SLC5A3: variants seen among roughly 807,000 people sequenced by gnomAD.
SLC5A3 encodes sodium/myo-inositol cotransporter.
SLC5A3 carries 10 observed loss-of-function variants against 43.2 expected under a neutral mutation model. The observed-to-expected ratio is 0.23, with a 90% CI of 0.14 to 0.39. The LOEUF (loss-of-function observed/expected upper bound fraction) is 0.39, where lower values mean the gene tolerates loss of function less well. Ranked by LOEUF, SLC5A3 falls within the 10% of genes least tolerant of loss-of-function variation. The pLI, the probability that SLC5A3 is intolerant of heterozygous loss-of-function variation, is 1.00. For missense variants in SLC5A3, 608 were observed against 893.4 expected (o/e 0.68, Z 4.07); for synonymous variants, 349 against 322.0 (o/e 1.08, Z -0.90).
chr21:34,074,769 C>T lies in SLC5A3; in HGVS notation c.-337+1024C>T, dbSNP rs564842175. Among the ~76,000 whole-genome samples, 3 of 152,334 alleles carry T rather than the reference C, an allele frequency of 2.0e-5. No homozygotes were observed. In the South Asian group the frequency reaches 6.2e-4, roughly 32 times the overall value. On this transcript the variant is annotated intron_variant, in intron 1 of 1. Coordinates refer to ENST00000381151, the MANE Select transcript of SLC5A3 (RefSeq NM_006933.7). ...TCCTACAGCGCTAGAGGAGTGGACGCATTTTTACGTTTGAAATTAGGCTCC... is the reference window on the plus strand; with the variant it reads ...TCCTACAGCGCTAGAGGAGTGGACGTATTTTTACGTTTGAAATTAGGCTCC...
rs1320954098 is a variant in SLC5A3 at position 34,096,761 on chromosome 21, C to T, written c.1563C>T (p.Val521=). 25 of 1,614,032 alleles carry T rather than the reference C, an allele frequency of 1.5e-5. No homozygotes were observed. Among genetic ancestry groups the T allele is most frequent in the Non-Finnish European group, 2.0e-5 (24 of 1,179,990 alleles). Residue 521 remains valine, a synonymous_variant, in exon 2 of 2, where the codon GTC becomes GTT. Coordinates refer to ENST00000381151, the MANE Select transcript of SLC5A3 (RefSeq NM_006933.7). This position sits in a 1 kb window ranked among gnomAD's most constrained non-coding sequence, Gnocchi z 5.9. ...YMYVATGLFW[V]TGLITVIVSL... ...ATGTGGCCACAGGATTGTTTTGGGTCACGGGACTCATTACTGTAATTGTGA... is the reference window on the plus strand; with the variant it reads ...ATGTGGCCACAGGATTGTTTTGGGTTACGGGACTCATTACTGTAATTGTGA...
rs1417092443 is a variant in SLC5A3, at chr21:34,099,035, A to G, written c.*1680A>G. On this transcript the variant is annotated 3_prime_UTR_variant, in exon 2 of 2. Transcript: ENST00000381151. ...TAGTCTATAAACTAGTTTCATTATG[A>G]TGGACTTGATTAGTCCAAAGTTAAT... 1.0e-6 allele frequency: 1 copy of G among 989,716 alleles called. No homozygotes were observed. Among genetic ancestry groups the G allele is most frequent in the Non-Finnish European group, 1.2e-6 (1 of 820,478 alleles). The allele number at this position is 989,716 out of a possible 1,614,324, so 61.3% of individuals were successfully genotyped here. A position where few individuals can be genotyped will look rare whatever the true frequency, so the allele number is the denominator to read the frequency against.
chr21:34,096,342 A>G lies in SLC5A3; in HGVS notation c.1144A>G (p.Ile382Val), dbSNP rs1322945890. The change falls in exon 2 of 2, where the codon ATC becomes GTC. Residue 382 changes from isoleucine (I) to valine (V), a missense_variant. By Grantham distance (29) the Ile-to-Val change is conservative. Transcript: ENST00000381151. The surrounding 1 kb of genome is among the most constrained non-coding windows in gnomAD (Gnocchi z 5.9). The part of the protein sequence containing the change: ...IAALMSDLDS[I>V]FNSASTIFTL... ...AGCTCTGATGAGTGACTTAGACTCT[A>G]TCTTTAACAGTGCCAGTACCATATT... The G allele has an allele frequency of 4.3e-6, 7 of 1,614,010 alleles. No individual in the cohort carries two copies. Among genetic ancestry groups the G allele is most frequent in the Admixed American group, 1.7e-5 (1 of 59,984 alleles).
At chr21:34,092,276 C>A (rs1050508104) in intron 1 of SLC5A3, among the ~76,000 whole-genome samples, 3 of 152,054 alleles carry the variant, frequency 2.0e-5, no homozygotes. Flanking sequence ...TTCTACAAAC[C>A]AAATTGACCT....
At chr21:34,078,609 C>CA (rs1307497565) in intron 1 of SLC5A3, among the ~76,000 whole-genome samples, 2 of 151,918 alleles carry the variant, frequency 1.3e-5, no homozygotes, top group Admixed American at 6.5e-5. Context: ...AAATCAGTTT[C>CA]AAAAAATTAA....
rs1034871000 is a variant in SLC5A3 at position 34,104,180 on chromosome 21, G to A, written c.*6825G>A. ...TTTAATAAAGGATAATTTGATCTGA[G>A]TGTTCTGAGCATCAGACTAATTCTG... On this transcript the variant is annotated 3_prime_UTR_variant, in exon 2 of 2. Coordinates refer to ENST00000381151, the MANE Select transcript of SLC5A3 (RefSeq NM_006933.7). 9 of 999,896 alleles carry A rather than the reference G, an allele frequency of 9.0e-6. No homozygotes were observed. Among genetic ancestry groups the A allele is most frequent in the African/African-American group, 3.5e-5 (2 of 57,184 alleles). 61.9% of individuals were successfully genotyped at this position (999,896 alleles called of 1,614,324 possible).
In SLC5A3 at chr21:34,097,521, G is replaced by A; in HGVS notation, c.*166G>A. The A allele has an allele frequency of 7.2e-6, 10 of 1,380,956 alleles. No individual in the cohort carries two copies. Among genetic ancestry groups the A allele is most frequent in the South Asian group, 3.8e-5 (2 of 52,136 alleles). 85.5% of individuals were successfully genotyped at this position (1,380,956 alleles called of 1,614,324 possible). A position where few individuals can be genotyped will look rare whatever the true frequency, so the allele number is the denominator to read the frequency against. On this transcript the variant is annotated 3_prime_UTR_variant, in exon 2 of 2. Transcript: ENST00000381151. ...TACAAGACTTTATTTTCCCAGAGAT[G>A]GATTAAAGTAAATCTTCAACTTAAG...
In SLC5A3 at chr21:34,095,304, G is replaced by A. The variant is rs143443984; in HGVS notation, c.106G>A (p.Val36Met). ...CATGTGGAAATCTAATAGAAGCACC[G>A]TGAGTGGATACTTCCTGGCGGGGCG... is the stretch of plus-strand genomic sequence containing the variant. Reference protein sequence around the residue: ...FAMWKSNRSTVSGYFLAGRSM... With the variant: ...FAMWKSNRSTMSGYFLAGRSM... Residue 36 changes from valine to methionine, a missense_variant, in exon 2 of 2, where the codon GTG becomes ATG. This residue lies in a region of SLC5A3 where 398 missense variants were observed against 668.6 expected (regional missense o/e 0.60). Transcript: ENST00000381151. 18 of 1,614,140 alleles carry A rather than the reference G, an allele frequency of 1.1e-5. No homozygotes were observed. Among genetic ancestry groups the A allele is most frequent in the Non-Finnish European group, 1.4e-5 (17 of 1,179,990 alleles).
At chr21:34,094,540 C>G (rs1346331770) in intron 1 of SLC5A3, among the ~76,000 whole-genome samples, 1 of 152,024 alleles carries the variant, frequency 6.6e-6, no homozygotes, top group African/African-American at 2.4e-5. Flanking sequence ...ATCTTAGTGC[C>G]TGTCCTAATC....
In SLC5A3 at chr21:34,102,819, T is replaced by G; in HGVS notation, c.*5464T>G. 2.0e-6 allele frequency: 2 copies of G among 1,000,192 alleles called. No individual in the cohort carries two copies. The highest frequency in any genetic ancestry group is 9.4e-5 in the South Asian group (2 of 21,286). 62.0% of individuals were successfully genotyped at this position (1,000,192 alleles called of 1,614,324 possible). A position where few individuals can be genotyped will look rare whatever the true frequency, so the allele number is the denominator to read the frequency against. Reference sequence around the variant, plus strand: ...ATTGTTGTCCATGATACTGAAGCTTTTCCCCTCACTTCTAGGTTGTTTACA... The same window carrying G: ...ATTGTTGTCCATGATACTGAAGCTTGTCCCCTCACTTCTAGGTTGTTTACA... On this transcript the variant is annotated 3_prime_UTR_variant, in exon 2 of 2. Coordinates refer to ENST00000381151, the MANE Select transcript of SLC5A3 (RefSeq NM_006933.7).
chr21:34,074,682 T>C (rs1274249849), intron 1 of SLC5A3, among the ~76,000 whole-genome samples: 1 of 152,200 alleles, frequency 6.6e-6, no homozygotes, highest in African/African-American at 2.4e-5. Flanking sequence ...TGTTTTTTTT[T>C]CTCCACCAGG....
At chr21:34,083,799 G>C (rs1989510964) in intron 1 of SLC5A3, among the ~76,000 whole-genome samples, 1 of 152,170 alleles carries the variant, frequency 6.6e-6, no homozygotes, top group Non-Finnish European at 1.5e-5. Context: ...TGCAAATTTT[G>C]TGTGTGTAAG....
In SLC5A3 at chr21:34,102,372, ATTTCTG is replaced by A. The variant is rs142716882; in HGVS notation, c.*5028_*5033del. The A allele has an allele frequency of 2.4e-3, 2,401 of 999,966 alleles. 128 individuals are homozygous for A. The East Asian group carries it at 0.12, about 52-fold the overall frequency. 61.9% of individuals were successfully genotyped at this position (999,966 alleles called of 1,614,324 possible). The stretch of plus-strand genomic sequence containing the variant: ...AAGGAATGTTGTGAGAATTGATGTA[ATTTCTG>A]TTTCTGTTTCCATCTAAACTTCTTT... On this transcript the variant is annotated 3_prime_UTR_variant, in exon 2 of 2. Transcript: ENST00000381151.
intron 1 of SLC5A3, among the ~76,000 whole-genome samples, chr21:34,084,074 T>TA (rs1253735621): frequency 6.6e-6 from 1 of 152,240 alleles, no homozygotes; most frequent in Non-Finnish European, 1.5e-5. Flanking sequence ...GCGTAATTTC[T>TA]ACCAGTCCCT....
chr21:34,103,539 A>T lies in SLC5A3; in HGVS notation c.*6184A>T, dbSNP rs1009493099. On this transcript the variant is annotated 3_prime_UTR_variant, in exon 2 of 2. Transcript: ENST00000381151. ...GAACAGGTACGTGACAACAGTTTAT[A>T]TTCCATGATAGAAAGCTAAAGTCCA... 4 of 1,000,032 alleles carry T rather than the reference A, an allele frequency of 4.0e-6. No homozygotes were observed. The highest frequency in any genetic ancestry group is 4.8e-6 in the Non-Finnish European group (4 of 829,886). The allele number at this position is 1,000,032 out of a possible 1,614,324, so 61.9% of individuals were successfully genotyped here.
At chr21:34,087,400 C>A (rs1293137411) in intron 1 of SLC5A3, among the ~76,000 whole-genome samples, 1 of 152,150 alleles carries the variant, frequency 6.6e-6, no homozygotes, top group African/African-American at 2.4e-5. Context: ...ATTTAACAAA[C>A]ATTTGAGCAC....
intron 1 of SLC5A3, among the ~76,000 whole-genome samples, chr21:34,077,139 A>G (rs1989351597): frequency 1.3e-5 from 2 of 152,240 alleles, no homozygotes; most frequent in Admixed American, 1.3e-4. Flanking sequence ...TGAGTGGGAA[A>G]ATGGTTGAAG....
At chr21:34,078,296 G>A (rs1283079200) in intron 1 of SLC5A3, among the ~76,000 whole-genome samples, 2 of 151,998 alleles carry the variant, frequency 1.3e-5, no homozygotes, top group Non-Finnish European at 2.9e-5. Flanking sequence ...ACTTTCATTT[G>A]GTATTAAATT....
At position 34,100,622 on chromosome 21, in the gene SLC5A3, GCTGGGAC is replaced by G; in HGVS notation, c.*3269_*3275del. 1 of 1,000,220 alleles carries G rather than the reference GCTGGGAC, an allele frequency of 1.0e-6. No individual in the cohort carries two copies. Among genetic ancestry groups the G allele is most frequent in the Non-Finnish European group, 1.2e-6 (1 of 829,976 alleles). 62.0% of individuals were successfully genotyped at this position (1,000,220 alleles called of 1,614,324 possible). On this transcript the variant is annotated 3_prime_UTR_variant, in exon 2 of 2. Coordinates refer to ENST00000381151, the MANE Select transcript of SLC5A3 (RefSeq NM_006933.7). ...TTAGGGATGATACCTCAAGAAATTA[GCTGGGAC>G]CCATCACTCTGTGAAACTTCACATT...
Sources: gnomAD v4.1 joint callset for allele counts (sites outside exome capture counted in the v4.1 genomes callset) on GRCh38, gnomAD v4.1.1 for gene constraint, gnomAD v4.1.1 regional missense constraint, Gnocchi (gnomAD v3.1) non-coding constraint, MANE v1.5 for transcripts, NCBI Gene and HGNC (gene_info 2026-07-23, HGNC 2026-07-21) for gene names.